Variants in CEP170B observed in about 807,000 individuals in gnomAD.
CEP170B encodes centrosomal protein 170B.
In CEP170B, 55 loss-of-function variants were observed where a neutral mutation model predicts 120.6. The observed-to-expected ratio is 0.46, with a 90% CI of 0.37 to 0.57. The LOEUF (loss-of-function observed/expected upper bound fraction) is 0.57, where lower values mean the gene tolerates loss of function less well. Among genes scored for constraint, CEP170B ranks in the 20% least tolerant of loss-of-function variants. The pLI is 0.00. For missense variants in CEP170B, 2,212 were observed against 2,253.3 expected (o/e 0.98, Z 0.37); for synonymous variants, 1,033 against 954.5 (o/e 1.08, Z -1.52).
At position 104,887,310 on chromosome 14, in the gene CEP170B, A is replaced by G; in HGVS notation, c.3071A>G (p.Glu1024Gly). The G allele has an allele frequency of 6.2e-7, 1 of 1,610,432 alleles. No homozygotes were observed. The highest frequency in any genetic ancestry group is 1.3e-5 in the African/African-American group (1 of 75,020). ...GGCCCGACGGACATGGGCCGTGGAG[A>G]GCCGGTACGGCGCTCAGCCATAAGG... is the stretch of plus-strand genomic sequence containing the variant. ...PLGPTDMGRG[E>G]PVRRSAIRRG... is the part of the protein sequence containing the mutation. The change falls in exon 12 of 19, where the codon GAG (glutamate) becomes GGG (glycine). Residue 1024 changes from glutamate to glycine, a missense_variant. Glu to Gly is a moderately conservative substitution (Grantham distance 98). Coordinates refer to ENST00000414716, the MANE Select transcript of CEP170B (RefSeq NM_001112726.3).
At position 104,868,561 on chromosome 14, in the gene CEP170B, C is replaced by T. The variant is rs768914940; in HGVS notation, c.105+6C>T. 11 of 1,548,450 alleles carry T rather than the reference C, an allele frequency of 7.1e-6. No individual in the cohort carries two copies. The African/African-American group carries it at 9.6e-5, about 13-fold the overall frequency. ...AGTGTGAGCTCATGCTACAGGTTTG[C>T]AGGGAGCGCTTGGGGCCAGGAGGGT... is the stretch of plus-strand genomic sequence containing the variant. On this transcript the variant is annotated splice_donor_region_variant and intron_variant, in intron 2 of 18. Coordinates refer to ENST00000414716, the MANE Select transcript of CEP170B (RefSeq NM_001112726.3). The surrounding 1 kb of genome is among the most constrained non-coding windows in gnomAD (Gnocchi z 5.9).
At position 104,868,642 on chromosome 14, in the gene CEP170B, G is replaced by C. The variant is rs1278547440; in HGVS notation, c.105+87G>C. The C allele has an allele frequency of 2.3e-6, 3 of 1,304,460 alleles. No individual in the cohort carries two copies. The Admixed American group carries it at 6.5e-5, about 28-fold the overall frequency. 80.8% of individuals were successfully genotyped at this position (1,304,460 alleles called of 1,614,324 possible). A position where few individuals can be genotyped will look rare whatever the true frequency, so the allele number is the denominator to read the frequency against. The stretch of plus-strand genomic sequence containing the variant: ...CAGGAAGGTGCCCACCCCACTTGCT[G>C]CAGGCCACCCTGGCGAGGAGGCCGC... On this transcript the variant is annotated intron_variant, in intron 2 of 18. Coordinates refer to ENST00000414716, the MANE Select transcript of CEP170B (RefSeq NM_001112726.3). This position sits in a 1 kb window ranked among gnomAD's most constrained non-coding sequence, Gnocchi z 5.9.
At position 104,883,332 on chromosome 14, in the gene CEP170B, T is replaced by A; in HGVS notation, c.875T>A (p.Leu292Gln). 6.2e-7 allele frequency: 1 copy of A among 1,611,844 alleles called. No individual in the cohort carries two copies. The highest frequency in any genetic ancestry group is 2.2e-5 in the East Asian group (1 of 44,840). Reference protein sequence around the residue: ...KIKDHITKFSLRQRRPPGKEA... With the variant: ...KIKDHITKFSQRQRRPPGKEA... ...AAGGACCATATCACCAAGTTTTCCCTGCGCCAGCGGCGGCCCCCGGGCAAG... is the reference window on the plus strand; with the variant it reads ...AAGGACCATATCACCAAGTTTTCCCAGCGCCAGCGGCGGCCCCCGGGCAAG... The change falls in exon 8 of 19, where the codon CTG (leucine) becomes CAG (glutamine). Residue 292 changes from leucine to glutamine, a missense_variant. Around this residue, in one of 2 missense-constraint regions of CEP170B, gnomAD observed 2,166 missense variants for 2,166.7 expected, o/e 1.00. Transcript: ENST00000414716.
upstream of CEP170B, among the ~76,000 whole-genome samples, chr14:104,864,901 G>A (rs193080743): frequency 2.2e-3 from 342 of 152,250 alleles, 2 homozygotes; most frequent in Admixed American, 5.5e-3. This position sits in a 1 kb window ranked among gnomAD's most constrained non-coding sequence, Gnocchi z 5.9. Context: ...GGGCCAGGGC[G>A]CGGGGCTGCT....
At position 104,886,989 on chromosome 14, in the gene CEP170B, C is replaced by T. The variant is rs761615520; in HGVS notation, c.2750C>T (p.Thr917Met). The T allele has an allele frequency of 9.9e-6, 16 of 1,609,168 alleles. No homozygotes were observed. Among genetic ancestry groups the T allele is most frequent in the East Asian group, 2.2e-5 (1 of 44,894 alleles). The change falls in exon 12 of 19, where the codon ACG becomes ATG. Residue 917 changes from threonine to methionine, a missense_variant. This residue lies in a region of CEP170B where 2,166 missense variants were observed against 2,166.7 expected (regional missense o/e 1.00). Transcript: ENST00000414716. ...SQDTHLILKE[T>M]ETALAALEAR... ...GACACCCACCTGATCTTGAAGGAGA[C>T]GGAGACGGCCCTGGCGGCCCTGGAG...
chr14:104,886,887 C>A lies in CEP170B; in HGVS notation c.2648C>A (p.Pro883His), dbSNP rs771243243. ...AGTGGTCCCCCAGCGCCCGGCAAGC[C>A]CCCCCACATCTCCAGCCACCCGCTT... The part of the protein sequence containing the change: ...PASGPPAPGK[P>H]PHISSHPLLQ... Residue 883 changes from proline to histidine, a missense_variant, in exon 12 of 19, where the codon CCC (proline) becomes CAC (histidine). By Grantham distance (77) the Pro-to-His change is moderately conservative. Coordinates refer to ENST00000414716, the MANE Select transcript of CEP170B (RefSeq NM_001112726.3). 7.5e-6 allele frequency: 12 copies of A among 1,610,348 alleles called. No individual in the cohort carries two copies. In the Admixed American group the frequency reaches 2.0e-4, roughly 27 times the overall value.
intron 6 of CEP170B, among the ~76,000 whole-genome samples, chr14:104,881,462 C>T (rs923090702): frequency 4.2e-4 from 64 of 152,240 alleles, no homozygotes; most frequent in African/African-American, 1.4e-3. Context: ...CTGTGTTGTA[C>T]AGCCGCAGCT....
At chr14:104,873,183 G>C (rs755404117) in intron 2 of CEP170B, among the ~76,000 whole-genome samples, 5 of 152,104 alleles carry the variant, frequency 3.3e-5, no homozygotes, top group Admixed American at 2.0e-4. Context: ...AGCCCTGGCC[G>C]GGGGTGGAGG....
chr14:104,878,254 C>T (rs116652440), intron 4 of CEP170B, among the ~76,000 whole-genome samples, 189 bp from the exon 5 acceptor site: 2 of 152,092 alleles, frequency 1.3e-5, no homozygotes, highest in African/African-American at 2.4e-5. Flanking sequence ...CCTAGGACCC[C>T]GAGTCCTGGC....
chr14:104,883,514 T>C lies in CEP170B; in HGVS notation c.1051+6T>C. ...CCACACCCGCACCCTGAAGGGTGAG[T>C]GCCCAGCTGGCGGCCGTGCCAGTCC... On this transcript the variant is annotated splice_donor_region_variant and intron_variant, in intron 8 of 18. Coordinates refer to ENST00000414716, the MANE Select transcript of CEP170B (RefSeq NM_001112726.3). 6.5e-7 allele frequency: 1 copy of C among 1,530,396 alleles called. No individual in the cohort carries two copies. The allele number at this position is 1,530,396 out of a possible 1,614,324, so 94.8% of individuals were successfully genotyped here. A position where few individuals can be genotyped will look rare whatever the true frequency, so the allele number is the denominator to read the frequency against.
rs1896868543 is a variant in CEP170B at position 104,891,889 on chromosome 14, A to G, written c.3879-1087A>G. 6.6e-6 allele frequency among the ~76,000 whole-genome samples: 1 copy of G among 152,024 alleles called. No homozygotes were observed. Among genetic ancestry groups the G allele is most frequent in the Non-Finnish European group, 1.5e-5 (1 of 67,992 alleles). On this transcript the variant is annotated intron_variant, in intron 13 of 18. Coordinates refer to ENST00000414716, the MANE Select transcript of CEP170B (RefSeq NM_001112726.3). The surrounding 1 kb of genome is among the most constrained non-coding windows in gnomAD (Gnocchi z 4.3). ...GTTTTGTCTTGATGTGGAATGGTGG[A>G]CCCAGCTAGGACCCAGTCCTGAATG...
Position 104,886,781 on chromosome 14 carries a change from C to T in CEP170B, c.2542C>T (p.Leu848=), listed in dbSNP as rs78749687. ...VSANGRMVIQ[L]RPGRSPEPDG... is the part of the protein sequence containing the mutation. ...TGCCAATGGGAGAATGGTCATCCAGCTACGGCCTGGACGGTCCCCAGAACC... is the reference window on the plus strand; with the variant it reads ...TGCCAATGGGAGAATGGTCATCCAGTTACGGCCTGGACGGTCCCCAGAACC... Residue 848 remains leucine (L), a synonymous_variant, in exon 12 of 19, where the codon CTA becomes TTA. Transcript: ENST00000414716. The T allele has an allele frequency of 2.2e-4, 356 of 1,611,718 alleles. 1 individual carries two copies. The African/African-American group carries it at 4.2e-3, about 19-fold the overall frequency.
Position 104,884,524 on chromosome 14 carries a change from A to G in CEP170B, c.1745A>G (p.Glu582Gly), listed in dbSNP as rs765344072. ...ACCGAGGCGCAGGACACGGAGGTGG[A>G]GGAGGCCCGGAAGATGATCGACCAG... ...IETEAQDTEV[E>G]EARKMIDQVF... Residue 582 changes from glutamate to glycine, a missense_variant, in exon 9 of 19, where the codon GAG (glutamate) becomes GGG (glycine). Coordinates refer to ENST00000414716, the MANE Select transcript of CEP170B (RefSeq NM_001112726.3). 1 of 1,563,054 alleles carries G rather than the reference A, an allele frequency of 6.4e-7. No homozygotes were observed. The highest frequency in any genetic ancestry group is 8.7e-7 in the Non-Finnish European group (1 of 1,153,806).
chr14:104,887,082 A>G lies in CEP170B; in HGVS notation c.2843A>G (p.Asp948Gly), dbSNP rs763222967. ...GGCAGCACCCCGAGGCCGCCGGAGG[A>G]CGCCCTGTCTGGGGACTCGGACGTG... ...EGGSTPRPPE[D>G]ALSGDSDVDT... The change falls in exon 12 of 19, where the codon GAC (aspartate) becomes GGC (glycine). Residue 948 changes from aspartate (D) to glycine (G), a missense_variant. Coordinates refer to ENST00000414716, the MANE Select transcript of CEP170B (RefSeq NM_001112726.3). 34 of 1,611,250 alleles carry G rather than the reference A, an allele frequency of 2.1e-5. No homozygotes were observed. In the Admixed American group the frequency reaches 5.3e-4, roughly 25 times the overall value.
chr14:104,879,717 G>A (rs1425257924), intron 5 of CEP170B, among the ~76,000 whole-genome samples: 2 of 152,274 alleles, frequency 1.3e-5, no homozygotes, highest in Admixed American at 6.5e-5. Context: ...GCATCCTTGC[G>A]TGCCCTTTCC....
intron 2 of CEP170B, 63 bp from the exon 3 acceptor site, chr14:104,876,193 T>G: frequency 6.8e-7 from 1 of 1,479,276 alleles, no homozygotes; most frequent in Non-Finnish European, 9.2e-7. Flanking sequence ...CAGGGGTGCC[T>G]CTGCCTCTTG....
chr14:104,893,167 C>G, intron 14 of CEP170B, 32 bp downstream of exon 14: 1 of 1,594,476 alleles, frequency 6.3e-7, no homozygotes, highest in Non-Finnish European at 8.5e-7. Context: ...GCCCCTGTGC[C>G]AGAGCCACCC....
intron 5 of CEP170B, among the ~76,000 whole-genome samples, chr14:104,879,104 G>A (rs913997954): frequency 2.0e-5 from 3 of 152,128 alleles, no homozygotes; most frequent in Non-Finnish European, 4.4e-5. Flanking sequence ...TCTCATAAGG[G>A]GCTTTAGATT....
At position 104,887,337 on chromosome 14, in the gene CEP170B, G is replaced by A. The variant is rs376636738; in HGVS notation, c.3098G>A (p.Arg1033His). 1.9e-5 allele frequency: 31 copies of A among 1,611,222 alleles called. No individual in the cohort carries two copies. Among genetic ancestry groups the A allele is most frequent in the South Asian group, 1.3e-4 (12 of 90,930 alleles). ...GEPVRRSAIR[R>H]GHRPRGSLDW... Reference sequence around the variant, plus strand: ...CCGGTACGGCGCTCAGCCATAAGGCGTGGCCACAGGCCCCGAGGGTCCCTG... The same window carrying A: ...CCGGTACGGCGCTCAGCCATAAGGCATGGCCACAGGCCCCGAGGGTCCCTG... Residue 1033 changes from arginine to histidine, a missense_variant, in exon 12 of 19, where the codon CGT becomes CAT. Arg to His is a conservative substitution (Grantham distance 29, BLOSUM62 0). Transcript: ENST00000414716.
Sources: allele counts gnomAD v4.1 joint callset (sites outside exome capture counted in the v4.1 genomes callset), GRCh38; gene constraint gnomAD v4.1.1; regional missense constraint gnomAD v4.1.1; non-coding constraint Gnocchi (gnomAD v3.1); transcripts MANE v1.5; gene names NCBI Gene and HGNC (gene_info 2026-07-23, HGNC 2026-07-21).